RIT2: variants seen among roughly 807,000 people sequenced by gnomAD.
The protein encoded by RIT2 is Ras like without CAAX 2, also known as GTP-binding protein Rit2.
RIT2 carries 24 observed loss-of-function variants against 23.7 expected under a neutral mutation model. The observed-to-expected ratio is 1.01, with a 90% CI of 0.73 to 1.43. The LOEUF is 1.43. Ranked by LOEUF, RIT2 falls within the 40% of genes most tolerant of loss-of-function variation. The pLI is 0.00. For synonymous variants in RIT2, 107 were observed against 91.1 expected (o/e 1.17, Z -0.99); for missense variants, 236 against 266.9 (o/e 0.88, Z 0.81).
chr18:43,055,937 A>G (rs1912492397), intron 1 of RIT2, among the ~76,000 whole-genome samples: 2 of 152,112 alleles, frequency 1.3e-5, no homozygotes, highest in African/African-American at 2.4e-5. Flanking sequence ...ACGGGTTAGC[A>G]ATAGCAACCT....
intron 4 of RIT2, among the ~76,000 whole-genome samples, chr18:42,888,278 G>C (rs563474636): frequency 2.0e-5 from 3 of 152,088 alleles, no homozygotes; most frequent in Admixed American, 2.0e-4. Flanking sequence ...TTTCTACTCA[G>C]TTTTGCTGTG....
intron 1 of RIT2, among the ~76,000 whole-genome samples, chr18:43,051,959 A>C (rs958015207): frequency 2.0e-5 from 3 of 151,958 alleles, no homozygotes; most frequent in Non-Finnish European, 2.9e-5. Context: ...TGATTTTTTG[A>C]TTATCACAAG....
chr18:43,056,355 C>A (rs938094103), intron 1 of RIT2, among the ~76,000 whole-genome samples: 3 of 151,406 alleles, frequency 2.0e-5, no homozygotes, highest in Non-Finnish European at 4.4e-5. Context: ...CACACTGAAT[C>A]AAAAAAAACG....
At chr18:43,095,265 G>A (rs1913525105) in intron 1 of RIT2, among the ~76,000 whole-genome samples, 1 of 152,102 alleles carries the variant, frequency 6.6e-6, no homozygotes, top group East Asian at 1.9e-4. Context: ...TAATTGGCGT[G>A]AGATGTTATC....
At chr18:42,770,516 G>A (rs1913526124) in intron 4 of RIT2, among the ~76,000 whole-genome samples, 1 of 152,090 alleles carries the variant, frequency 6.6e-6, no homozygotes, top group East Asian at 1.9e-4. Flanking sequence ...CTTGAAGATG[G>A]GATTCTGAAC....
chr18:42,880,650 C>G (rs78605187), intron 4 of RIT2, among the ~76,000 whole-genome samples: 15,945 of 151,886 alleles, frequency 0.1, 961 homozygotes, highest in Middle Eastern at 0.24. Flanking sequence ...CTCGTTTATC[C>G]CTTCTCTATA....
intron 2 of RIT2, among the ~76,000 whole-genome samples, chr18:43,025,631 T>C (rs1395376506): frequency 2.6e-5 from 4 of 152,066 alleles, no homozygotes; most frequent in Non-Finnish European, 5.9e-5. Context: ...CACACATATA[T>C]ATATATGCCA....
intron 4 of RIT2, among the ~76,000 whole-genome samples, chr18:42,748,848 C>A (rs947260961): frequency 2.6e-5 from 4 of 151,894 alleles, no homozygotes; most frequent in Non-Finnish European, 5.9e-5. Context: ...TCTCAGAAAT[C>A]AACACAAGAA....
chr18:42,923,671 C>T lies in RIT2; in HGVS notation c.327G>A (p.Glu109=). The change falls in exon 4 of 5, where the codon GAG becomes GAA. Residue 109 remains glutamate (E), a synonymous_variant. Coordinates refer to ENST00000326695, the MANE Select transcript of RIT2 (RefSeq NM_002930.4). The part of the protein sequence containing the change: ...YSVTDRQSFQ[E]AAKFKELIFQ... The stretch of plus-strand genomic sequence containing the variant: ...AAATGAGCTCTTTAAACTTGGCAGC[C>T]TCCTGAAATGATTGACGGTCAGTGA... The T allele has an allele frequency of 1.2e-6, 2 of 1,613,312 alleles. No homozygotes were observed. Among genetic ancestry groups the T allele is most frequent in the East Asian group, 2.2e-5 (1 of 44,832 alleles).
chr18:42,811,733 A>C (rs1905854078), intron 4 of RIT2, among the ~76,000 whole-genome samples: 1 of 152,128 alleles, frequency 6.6e-6, no homozygotes, highest in South Asian at 2.1e-4. Context: ...GAATGGAAGG[A>C]TTCGTTTGCA....
chr18:43,000,326 A>G (rs909875866), intron 2 of RIT2, among the ~76,000 whole-genome samples: 1 of 152,076 alleles, frequency 6.6e-6, no homozygotes, highest in African/African-American at 2.4e-5. Flanking sequence ...TTAAAAACCA[A>G]GAAAGATAAT....
intron 4 of RIT2, among the ~76,000 whole-genome samples, chr18:42,911,176 T>A (rs1436522638): frequency 6.6e-6 from 1 of 152,016 alleles, no homozygotes; most frequent in East Asian, 1.9e-4. Context: ...AATATACTCC[T>A]AAATAATGCA....
chr18:42,936,259 T>C (rs980040932), intron 3 of RIT2, among the ~76,000 whole-genome samples: 1 of 152,096 alleles, frequency 6.6e-6, no homozygotes, highest in African/African-American at 2.4e-5. Flanking sequence ...AATAAATAAA[T>C]AAACAAACAT....
In RIT2 at chr18:42,795,257, C is replaced by T. The variant is rs535525924; in HGVS notation, c.427-51537G>A. ...GCAGGGAGGTGTGGAGGGAGAGGCG[C>T]GAGCAGGAACCGGGGCTGCGTGCAG... On this transcript the variant is annotated intron_variant, in intron 4 of 4. Transcript: ENST00000326695. Among the ~76,000 whole-genome samples the T allele has an allele frequency of 1.7e-3, 252 of 152,324 alleles. 1 individual carries two copies. Among genetic ancestry groups the T allele is most frequent in the Non-Finnish European group, 2.9e-3 (197 of 68,018 alleles).
At chr18:42,852,780 T>C (rs193131783) in intron 4 of RIT2, among the ~76,000 whole-genome samples, 12,551 of 108,128 alleles carry the variant, frequency 0.12, 876 homozygotes, top group Middle Eastern at 0.24. Flanking sequence ...TCCCTCCCTC[T>C]CTCCCTCCCT....
At chr18:42,810,451 T>G (rs1419763724) in intron 4 of RIT2, among the ~76,000 whole-genome samples, 3 of 151,970 alleles carry the variant, frequency 2.0e-5, no homozygotes, top group Non-Finnish European at 4.4e-5. Context: ...TATTAATTTT[T>G]TTTTTTCCTG....
intron 2 of RIT2, among the ~76,000 whole-genome samples, chr18:43,004,109 T>G (rs1030057385): frequency 7.2e-5 from 11 of 151,858 alleles, no homozygotes; most frequent in African/African-American, 2.7e-4. Context: ...CTGGCTAGCC[T>G]GGAGATTTTT....
At chr18:42,903,556 C>T (rs148025866) in intron 4 of RIT2, among the ~76,000 whole-genome samples, 33 of 151,948 alleles carry the variant, frequency 2.2e-4, no homozygotes, top group Non-Finnish European at 3.1e-4. Context: ...GATGAATATA[C>T]GACATTTATT....
chr18:43,022,822 G>A (rs747931374), intron 2 of RIT2, among the ~76,000 whole-genome samples: 25 of 152,020 alleles, frequency 1.6e-4, no homozygotes, highest in Non-Finnish European at 2.9e-4. Context: ...GCAACCAGAA[G>A]GAGTGAGAAT....
Sources: gnomAD v4.1 joint callset for allele counts (sites outside exome capture counted in the v4.1 genomes callset) on GRCh38, gnomAD v4.1.1 for gene constraint, MANE v1.5 for transcripts, NCBI Gene and HGNC (gene_info 2026-07-23, HGNC 2026-07-21) for gene names.